Variants in SLC4A5 observed in about 807,000 individuals in gnomAD.
SLC4A5 encodes solute carrier family 4 member 5.
Under a neutral mutation model 120.4 loss-of-function variants are expected in SLC4A5, and 96 were observed. The ratio of observed to expected loss-of-function variants is 0.80; its 90% CI spans 0.68 to 0.94. The LOEUF is 0.94. Ranked by LOEUF, SLC4A5 falls within the 40% of genes least tolerant of loss-of-function variation. SLC4A5 has a pLI of 0.00. For synonymous variants in SLC4A5, 550 were observed against 571.1 expected, an observed-to-expected ratio of 0.96 and a Z score of 0.53; for missense variants, 1,259 against 1,459.5, an observed-to-expected ratio of 0.86 and a Z score of 2.24.
rs536204936 is a variant in SLC4A5, at chr2:74,242,165, T to C, written c.2060-113A>G. On this transcript the variant is annotated intron_variant, in intron 19 of 30. Coordinates refer to ENST00000394019, the Ensembl canonical transcript of SLC4A5. ...CCTTAGAGCCAAGGCCTGGCTTCCA[T>C]TGTGAGGGCAGCTCCCTCTCCACCT... 66 of 912,926 alleles carry C rather than the reference T, an allele frequency of 7.2e-5. 2 individuals are homozygous for C. The African/African-American group carries it at 7.4e-4, about 10-fold the overall frequency. 56.6% of individuals were successfully genotyped at this position (912,926 alleles called of 1,614,324 possible). A position where few individuals can be genotyped will look rare whatever the true frequency, so the allele number is the denominator to read the frequency against.
intron 16 of SLC4A5, 118 bp downstream of exon 16, chr2:74,252,061 G>A (rs1448671536): frequency 4.5e-6 from 5 of 1,108,294 alleles, no homozygotes; most frequent in Non-Finnish European, 6.5e-6. Flanking sequence ...AGGGAAAGAA[G>A]GCAGGGGTGA....
At chr2:74,239,280 G>C in intron 21 of SLC4A5, 55 bp downstream of exon 21, 1 of 1,556,926 alleles carries the variant, frequency 6.4e-7, no homozygotes, top group South Asian at 1.1e-5. Context: ...CCCTCTCTGG[G>C]GGACTCAGCA....
At chr2:74,280,203 C>T (rs932098147) in intron 8 of SLC4A5, among the ~76,000 whole-genome samples, 1 of 152,100 alleles carries the variant, frequency 6.6e-6, no homozygotes, top group African/African-American at 2.4e-5. Flanking sequence ...CTCTATGTGT[C>T]TGTTTGCCCT....
intron 30 of SLC4A5, 55 bp downstream of exon 30, chr2:74,221,379 G>A (rs565199494): frequency 1.9e-5 from 26 of 1,374,840 alleles, no homozygotes; most frequent in South Asian, 1.1e-4. Context: ...CCACCTTCCC[G>A]GCCATTTCCT....
intron 16 of SLC4A5, 102 bp downstream of exon 16, chr2:74,252,077 A>T: frequency 8.0e-7 from 1 of 1,251,246 alleles, no homozygotes; most frequent in Non-Finnish European, 1.1e-6. Context: ...GGTGACCTCG[A>T]GTGGGCACTA....
At chr2:74,315,024 G>T in exon 6 of SLC4A5, 1 of 1,612,800 alleles carries the variant, frequency 6.2e-7, no homozygotes, top group South Asian at 1.1e-5. Flanking sequence ...TCACCTTCAT[G>T]ACTATAAAGT....
intron 23 of SLC4A5, 24 bp from the exon 24 acceptor site, chr2:74,232,671 G>A: frequency 6.2e-7 from 1 of 1,607,626 alleles, no homozygotes; most frequent in Non-Finnish European, 8.5e-7. Flanking sequence ...GTTGGGGGAG[G>A]GAGAAGTTTC....
chr2:74,291,420 G>T (rs1672169092), intron 7 of SLC4A5, among the ~76,000 whole-genome samples: 1 of 152,192 alleles, frequency 6.6e-6, no homozygotes, highest in South Asian at 2.1e-4. Flanking sequence ...CTTAGAGCTG[G>T]GAGGGAGCTT....
intron 2 of SLC4A5, among the ~76,000 whole-genome samples, chr2:74,341,353 A>C (rs1383186188): frequency 1.3e-5 from 2 of 152,174 alleles, no homozygotes; most frequent in Non-Finnish European, 2.9e-5. Flanking sequence ...GTAAGAGACA[A>C]AAATCAAGCT....
chr2:74,261,528 C>T (rs1349266271), intron 11 of SLC4A5, among the ~76,000 whole-genome samples: 1 of 152,228 alleles, frequency 6.6e-6, no homozygotes. Flanking sequence ...TCCTTCACTG[C>T]TTTTTCTTTT....
At chr2:74,290,950 C>T (rs185759565) in intron 7 of SLC4A5, among the ~76,000 whole-genome samples, 38 of 152,210 alleles carry the variant, frequency 2.5e-4, no homozygotes, top group Non-Finnish European at 4.6e-4. Context: ...TCCTTAGGAG[C>T]CTTGGTGGCA....
Position 74,295,757 on chromosome 2 carries a change from C to T in SLC4A5, c.271+8732G>A, listed in dbSNP as rs568496600. ...CTGCTGCTCACCTATGTGCCTTAAA[C>T]GACCAATTTTGAGGAAACCACAGCA... On this transcript the variant is annotated intron_variant, in intron 7 of 30. Coordinates refer to ENST00000394019, the Ensembl canonical transcript of SLC4A5. Among the ~76,000 whole-genome samples the T allele has an allele frequency of 5.9e-5, 9 of 152,288 alleles. No individual in the cohort carries two copies. In the South Asian group the frequency reaches 1.2e-3, roughly 21 times the overall value.
At chr2:74,273,118 A>G (rs1190107051) in intron 8 of SLC4A5, among the ~76,000 whole-genome samples, 1 of 152,228 alleles carries the variant, frequency 6.6e-6, no homozygotes, top group African/African-American at 2.4e-5. Context: ...TCAGACATCA[A>G]TATTTTTTAA....
chr2:74,288,426 T>C (rs1672053905), intron 7 of SLC4A5, among the ~76,000 whole-genome samples: 1 of 152,198 alleles, frequency 6.6e-6, no homozygotes, highest in Non-Finnish European at 1.5e-5. Context: ...CCAACAGCAC[T>C]GAGAAGCTAT....
chr2:74,336,597 C>A (rs189854768), intron 3 of SLC4A5, among the ~76,000 whole-genome samples: 2 of 152,218 alleles, frequency 1.3e-5, no homozygotes, highest in East Asian at 3.9e-4. Context: ...TACTATTATC[C>A]TCATTTACAG....
exon 21 of SLC4A5, chr2:74,239,462 C>A (rs200873822): frequency 6.2e-7 from 1 of 1,613,962 alleles, no homozygotes. Context: ...CCCAAGCAGG[C>A]GCCCGCCGTA....
chr2:74,343,391 T>TC (rs1184579895), exon 1 of SLC4A5: 1 of 152,222 alleles, frequency 6.6e-6, no homozygotes, highest in African/African-American at 2.4e-5. Context: ...GGGCCCTGAC[T>TC]CCAATTCCTT....
chr2:74,223,704 AAAG>A (rs1382795740), intron 28 of SLC4A5, among the ~76,000 whole-genome samples: 1 of 152,232 alleles, frequency 6.6e-6, no homozygotes, highest in Non-Finnish European at 1.5e-5. Context: ...AGTATCAACA[AAAG>A]AAGTATTTGT....
intron 19 of SLC4A5, among the ~76,000 whole-genome samples, chr2:74,244,390 CCTCA>C (rs1457926191): frequency 6.6e-6 from 1 of 151,378 alleles, no homozygotes; most frequent in East Asian, 1.9e-4. Flanking sequence ...TCCTTCCTTC[CCTCA>C]CTCCCTCCCC....
Sources: allele counts gnomAD v4.1 joint callset (sites outside exome capture counted in the v4.1 genomes callset), GRCh38; gene constraint gnomAD v4.1.1; transcripts MANE v1.5; gene names NCBI Gene and HGNC (gene_info 2026-07-23, HGNC 2026-07-21).